LAMA3: variants seen among roughly 807,000 people sequenced by gnomAD.
LAMA3 encodes the protein laminin subunit alpha 3, also known as laminin subunit alpha-3.
In LAMA3, 281 loss-of-function variants were observed where a neutral mutation model predicts 402.0. The observed-to-expected ratio is 0.70, with a 90% CI of 0.63 to 0.77. LAMA3 has a LOEUF of 0.77. LAMA3 is among the 30% of genes least tolerant of loss of function. The pLI is 0.00. For missense variants in LAMA3, 3,840 were observed against 4,215.5 expected, an observed-to-expected ratio of 0.91 and a Z score of 2.47; for synonymous variants, 1,431 against 1,558.4, an observed-to-expected ratio of 0.92 and a Z score of 1.93.
At chr18:23,841,877 G>T (rs896219360) in intron 27 of LAMA3, among the ~76,000 whole-genome samples, 5 of 151,994 alleles carry the variant, frequency 3.3e-5, no homozygotes, top group Non-Finnish European at 7.4e-5. Flanking sequence ...AGCTATGGTT[G>T]CCCCACTGCC....
intron 4 of LAMA3, among the ~76,000 whole-genome samples, chr18:23,750,205 C>A (rs2061720820): frequency 6.6e-6 from 1 of 152,136 alleles, no homozygotes; most frequent in African/African-American, 2.4e-5. Flanking sequence ...AAAGGTGAAA[C>A]AATCAGAGAA....
At chr18:23,836,939 A>G in intron 24 of LAMA3, 42 bp from the exon 25 acceptor site, 3 of 1,418,074 alleles carry the variant, frequency 2.1e-6, no homozygotes, top group Non-Finnish European at 3.0e-6. Context: ...AATGAGGGAG[A>G]TGCCGGGAGT....
intron 11 of LAMA3, among the ~76,000 whole-genome samples, chr18:23,783,638 G>A (rs966548436): frequency 5.9e-5 from 9 of 152,304 alleles, no homozygotes; most frequent in Admixed American, 3.9e-4. Context: ...CTGAATTGAT[G>A]TTAGTTTCTT....
At chr18:23,785,142 G>T (rs1294599275) in intron 12 of LAMA3, among the ~76,000 whole-genome samples, 1 of 152,190 alleles carries the variant, frequency 6.6e-6, no homozygotes, top group Non-Finnish European at 1.5e-5. Context: ...GAGCACAGCT[G>T]CATAAATGCT....
intron 8 of LAMA3, among the ~76,000 whole-genome samples, chr18:23,771,358 A>C (rs2062194673): frequency 6.6e-6 from 1 of 152,258 alleles, no homozygotes; most frequent in African/African-American, 2.4e-5. Flanking sequence ...AACAGGTAAA[A>C]GTAGTCCATA....
chr18:23,842,309 C>T lies in LAMA3; in HGVS notation c.3337-86C>T, dbSNP rs1402981537. 3.9e-6 allele frequency: 6 copies of T among 1,547,958 alleles called. No homozygotes were observed. In the East Asian group the frequency reaches 9.0e-5, roughly 23 times the overall value. On this transcript the variant is annotated intron_variant, in intron 27 of 74. Coordinates refer to ENST00000313654, the MANE Select transcript of LAMA3 (RefSeq NM_198129.4). ...ATACTTAGGTTGTTTTGTTTTTTAA[C>T]CTTTGAATACTCTATGATTCCAGTT...
At chr18:23,872,850 C>T (rs1421594197) in intron 38 of LAMA3, 7 of 615,508 alleles carry the variant, frequency 1.1e-5, no homozygotes, top group Admixed American at 2.6e-5. Context: ...AATTACAGAG[C>T]GGTGCGCTTA....
chr18:23,844,427 G>C (rs1369010337), intron 29 of LAMA3, among the ~76,000 whole-genome samples: 1 of 152,148 alleles, frequency 6.6e-6, no homozygotes, highest in Non-Finnish European at 1.5e-5. Flanking sequence ...GAGACATCAG[G>C]CATGGGTCAC....
intron 5 of LAMA3, among the ~76,000 whole-genome samples, chr18:23,753,346 A>T (rs894487270): frequency 1.3e-5 from 2 of 152,238 alleles, no homozygotes; most frequent in African/African-American, 4.8e-5. Context: ...AGTTTTGATA[A>T]ATAAATATTT....
chr18:23,785,891 A>G (rs971207561), intron 12 of LAMA3, among the ~76,000 whole-genome samples: 2 of 152,218 alleles, frequency 1.3e-5, no homozygotes, highest in Non-Finnish European at 2.9e-5. Context: ...TAAATAATAC[A>G]ACACTTTAAG....
rs753681161 is a variant in LAMA3, at chr18:23,861,603, C to T, written c.4423-43C>T. ...TGCACCCATCACCCCAGGGATGCCA[C>T]GACCAAGACGTTTCCATCCCTTGCT... On this transcript the variant is annotated intron_variant, in intron 34 of 74. Transcript: ENST00000313654. 2.7e-5 allele frequency: 44 copies of T among 1,611,378 alleles called. No homozygotes were observed. The Middle Eastern group carries it at 9.9e-4, about 36-fold the overall frequency.
Position 23,805,185 on chromosome 18 carries a change from T to C in LAMA3, c.1604-5181T>C, listed in dbSNP as rs115192014. ...TTCCAGGTGTCAGGTGATATGTTAA[T>C]TTGCTCAAGCAATGAAGCCACATCT... On this transcript the variant is annotated intron_variant, in intron 12 of 74. Transcript: ENST00000313654. Among the ~76,000 whole-genome samples, 566 of 152,264 alleles carry C rather than the reference T, an allele frequency of 3.7e-3. 3 individuals are homozygous for C. The highest frequency in any genetic ancestry group is 0.013 in the African/African-American group (537 of 41,548).
Position 23,832,772 on chromosome 18 carries a change from G to A in LAMA3, c.2824-1056G>A, listed in dbSNP as rs1019313557. Among the ~76,000 whole-genome samples, 6 of 152,058 alleles carry A rather than the reference G, an allele frequency of 3.9e-5. No individual in the cohort carries two copies. In the East Asian group the frequency reaches 9.6e-4, roughly 24 times the overall value. On this transcript the variant is annotated intron_variant, in intron 23 of 74. Transcript: ENST00000313654. Reference sequence around the variant, plus strand: ...TCATACCACACAATGGTAGGCAGCTGTTCAAAAAATGAAGTATATTTGCAT... The same window carrying A: ...TCATACCACACAATGGTAGGCAGCTATTCAAAAAATGAAGTATATTTGCAT...
chr18:23,807,018 G>A (rs1050001603), intron 12 of LAMA3, among the ~76,000 whole-genome samples: 4 of 152,124 alleles, frequency 2.6e-5, no homozygotes, highest in Admixed American at 1.3e-4. Context: ...TATTTGATTA[G>A]GAGTATCTAA....
At chr18:23,780,516 C>T (rs1335271008) in intron 11 of LAMA3, among the ~76,000 whole-genome samples, 3 of 151,880 alleles carry the variant, frequency 2.0e-5, no homozygotes, top group Non-Finnish European at 2.9e-5. Flanking sequence ...GCAGACAGGT[C>T]ATTAAGGCTG....
intron 32 of LAMA3, among the ~76,000 whole-genome samples, chr18:23,855,488 A>G (rs2064054459): frequency 6.6e-6 from 1 of 152,198 alleles, no homozygotes; most frequent in African/African-American, 2.4e-5. Context: ...GAAATAAGGA[A>G]TCAGCTGAGA....
In LAMA3 at chr18:23,933,870, C is replaced by G. The variant is rs368093776; in HGVS notation, c.8797C>G (p.Pro2933Ala). Residue 2933 changes from proline to alanine, a missense_variant, in exon 67 of 75, where the codon CCT becomes GCT. Around this residue, in one of 3 missense-constraint regions of LAMA3, gnomAD observed 840 missense variants for 981.9 expected, o/e 0.86. Coordinates refer to ENST00000313654, the MANE Select transcript of LAMA3 (RefSeq NM_198129.4). ...GGGAGGCTGCAGTTTAAACAAACCACCTTTTCTAATGTTGCTTAAAGGTTC... is the reference window on the plus strand; with the variant it reads ...GGGAGGCTGCAGTTTAAACAAACCAGCTTTTCTAATGTTGCTTAAAGGTTC... ...SLGGCSLNKPPFLMLLKGSTR... is the reference protein window; with the variant it reads ...SLGGCSLNKPAFLMLLKGSTR... 18 of 1,614,012 alleles carry G rather than the reference C, an allele frequency of 1.1e-5. No individual in the cohort carries two copies. The highest frequency in any genetic ancestry group is 1.5e-5 in the Non-Finnish European group (18 of 1,179,996).
chr18:23,841,530 G>A (rs1229579568), intron 27 of LAMA3, among the ~76,000 whole-genome samples: 1 of 152,186 alleles, frequency 6.6e-6, no homozygotes. Flanking sequence ...AAAGGAGGGA[G>A]CTGGGAGCCC....
intron 2 of LAMA3, among the ~76,000 whole-genome samples, chr18:23,732,070 A>C (rs2061403738): frequency 6.6e-6 from 1 of 152,202 alleles, no homozygotes; most frequent in Non-Finnish European, 1.5e-5. Flanking sequence ...GGGCTGAACC[A>C]GTGCTTCCCA....
Sources: gnomAD v4.1 joint callset for allele counts (sites outside exome capture counted in the v4.1 genomes callset) on GRCh38, gnomAD v4.1.1 for gene constraint, gnomAD v4.1.1 regional missense constraint, MANE v1.5 for transcripts, NCBI Gene and HGNC (gene_info 2026-07-23, HGNC 2026-07-21) for gene names.